The following TASOR2 variants were observed in gnomAD, a reference collection of about 807,000 sequenced individuals.
TASOR2 encodes transcription activation suppressor family member 2.
A neutral mutation model predicts 199.5 loss-of-function variants in TASOR2; 84 were observed. The observed-to-expected ratio is 0.42, with a 90% CI of 0.35 to 0.50. The LOEUF (loss-of-function observed/expected upper bound fraction) is 0.50. TASOR2 is among the 20% of genes least tolerant of loss of function. TASOR2 has a pLI of 0.02. For missense variants in TASOR2, 2,796 were observed against 2,835.9 expected (o/e 0.99, Z 0.32); for synonymous variants, 1,103 against 1,046.6 (o/e 1.05, Z -1.04).
chr10:5,730,816 G>GA lies in TASOR2; in HGVS notation c.819dup (p.Val274SerfsTer23), dbSNP rs1341730877. On this transcript the variant is annotated frameshift_variant, in exon 11 of 21. Transcript: ENST00000328090. LOFTEE classifies it high-confidence loss of function. This position sits in a 1 kb window ranked among gnomAD's most constrained non-coding sequence, Gnocchi z 4.1. Reference sequence around the variant, plus strand: ...TTCAGACCCTAGTGCTTACATTTTGGAAGTGTCTACTGCTTTGGACTTGCT... The same window carrying GA: ...TTCAGACCCTAGTGCTTACATTTTGGAAAGTGTCTACTGCTTTGGACTTGCT... 5.6e-6 allele frequency: 9 copies of GA among 1,613,986 alleles called. No individual in the cohort carries two copies. Among genetic ancestry groups the GA allele is most frequent in the African/African-American group, 1.3e-5 (1 of 74,882 alleles).
intron 20 of TASOR2, 138 bp downstream of exon 21, chr10:5,762,784 G>A: frequency 1.5e-6 from 1 of 661,164 alleles, no homozygotes; most frequent in Admixed American, 3.2e-5. Flanking sequence ...GTTTGTTTAG[G>A]GGTGGAATTG....
intron 11 of TASOR2, 117 bp from the exon 13 acceptor site, chr10:5,735,187 C>T: frequency 8.5e-7 from 1 of 1,176,688 alleles, no homozygotes; most frequent in South Asian, 1.6e-5. Context: ...ATAGTTTATT[C>T]CCCATTACTA....
At chr10:5,712,087 G>T in intron 1 of TASOR2, 1 of 185,416 alleles carries the variant, frequency 5.4e-6, no homozygotes, top group East Asian at 1.3e-4. Context: ...CCACCACCTT[G>T]ACACTACAGT....
chr10:5,718,277 A>G (rs2131563675), intron 3 of TASOR2, among the ~76,000 whole-genome samples: 1 of 151,054 alleles, frequency 6.6e-6, no homozygotes, highest in South Asian at 2.1e-4. Context: ...CTGATTTTAG[A>G]TGTGATTGGG....
chr10:5,732,277 A>G (rs943317417), intron 11 of TASOR2, among the ~76,000 whole-genome samples: 9 of 152,248 alleles, frequency 5.9e-5, no homozygotes, highest in African/African-American at 2.2e-4. Flanking sequence ...CCTTTGGAGA[A>G]GAAGGCAGCA....
chr10:5,747,584 C>T, exon 15 of TASOR2: 1 of 1,614,172 alleles, frequency 6.2e-7, no homozygotes, highest in Non-Finnish European at 8.5e-7. Context: ...AATGTGACCT[C>T]TGATTTTCCC....
intron 11 of TASOR2, among the ~76,000 whole-genome samples, chr10:5,734,438 G>A (rs898925702): frequency 1.6e-4 from 25 of 152,096 alleles, no homozygotes; most frequent in African/African-American, 6.0e-4. Flanking sequence ...AATAAAACCA[G>A]GTGCACACTT....
chr10:5,763,456 A>T (rs1260093656), exon 21 of TASOR2: 1 of 156,804 alleles, frequency 6.4e-6, no homozygotes, highest in Non-Finnish European at 1.4e-5. Context: ...TATAATCTTA[A>T]ATGGTTTTAT....
At chr10:5,724,555 TATA>T (rs1224805563) in intron 8 of TASOR2, 22 bp downstream of exon 9, 10 of 1,060,164 alleles carry the variant, frequency 9.4e-6, no homozygotes, top group South Asian at 5.8e-5. Flanking sequence ...TAATTTAAAA[TATA>T]ATTATTATGT....
At chr10:5,749,826 A>T (rs1366866814) in exon 15 of TASOR2, 1 of 1,614,212 alleles carries the variant, frequency 6.2e-7, no homozygotes, top group South Asian at 1.1e-5. Flanking sequence ...ACAAAGAGCT[A>T]AATGATGTTT....
exon 11 of TASOR2, chr10:5,731,065 C>T: frequency 6.2e-7 from 1 of 1,614,044 alleles, no homozygotes; most frequent in South Asian, 1.1e-5. Context: ...GGCCAGCATG[C>T]CCCACATGGT....
intron 11 of TASOR2, 71 bp downstream of exon 12, chr10:5,731,274 A>G: frequency 6.9e-7 from 1 of 1,446,058 alleles, no homozygotes. Flanking sequence ...TCATGCCTGT[A>G]ATCCCAGCAC....
At chr10:5,688,961 C>CCACTG (rs1403409678) in intron 1 of TASOR2, among the ~76,000 whole-genome samples, 2 of 152,134 alleles carry the variant, frequency 1.3e-5, no homozygotes, top group African/African-American at 2.4e-5. Flanking sequence ...CATCATCATG[C>CCACTG]CACTGCACAC....
chr10:5,702,648 TTTTTTTTTTTTTTG>T (rs1381361302), intron 1 of TASOR2, among the ~76,000 whole-genome samples: 3 of 141,164 alleles, frequency 2.1e-5, no homozygotes, highest in African/African-American at 8.4e-5. Context: ...TTTTTTTTTT[TTTTTTTTTTTTTTG>T]GTAAGTAAGG....
exon 15 of TASOR2, chr10:5,749,049 C>T: frequency 6.2e-7 from 1 of 1,614,156 alleles, no homozygotes; most frequent in East Asian, 2.2e-5. Context: ...ACAACAACAA[C>T]CAAGAGGACT....
chr10:5,711,696 G>A (rs1831931171), intron 1 of TASOR2, among the ~76,000 whole-genome samples: 1 of 152,132 alleles, frequency 6.6e-6, no homozygotes, highest in African/African-American at 2.4e-5. Flanking sequence ...GCCTCTCATG[G>A]GAAGGGTGTA....
chr10:5,763,250 G>A (rs533940953), exon 21 of TASOR2: 1 of 436,026 alleles, frequency 2.3e-6, no homozygotes, highest in Non-Finnish European at 4.0e-6. Context: ...GCTAGATATT[G>A]TTTTAAATTA....
rs549063599 is a variant in TASOR2 at position 5,746,568 on chromosome 10, G to A, written c.3147G>A (p.Pro1049=). 38 of 1,614,054 alleles carry A rather than the reference G, an allele frequency of 2.4e-5. No homozygotes were observed. In the African/African-American group the frequency reaches 2.9e-4, roughly 12 times the overall value. ...ATATGGGGTGTGCAGTGATTAACCC[G>A]GAACCAATTACTCTCACCTTTGAAA... The change falls in exon 15 of 21, where the codon CCG becomes CCA. Residue 1049 remains proline, a synonymous_variant. Coordinates refer to ENST00000328090, the Ensembl canonical transcript of TASOR2.
In TASOR2 at chr10:5,740,233, C is replaced by T. The variant is rs749455549; in HGVS notation, c.2063C>T (p.Ala688Val). The stretch of plus-strand genomic sequence containing the variant: ...AGGAATGGGACAAAAAGCCCTGAAG[C>T]AGCAACCCCAGTGGGGAAAGTCATG... Residue 688 changes from alanine (A) to valine (V), a missense_variant, in exon 13 of 21, where the codon GCA becomes GTA. By Grantham distance (64) the Ala-to-Val change is moderately conservative (BLOSUM62 0). Around this residue, in one of 3 missense-constraint regions of TASOR2, gnomAD observed 847 missense variants for 887.4 expected, o/e 0.95. Transcript: ENST00000328090. The surrounding 1 kb of genome is among the most constrained non-coding windows in gnomAD (Gnocchi z 5.3). The T allele has an allele frequency of 6.2e-7, 1 of 1,614,216 alleles. No homozygotes were observed. Among genetic ancestry groups the T allele is most frequent in the East Asian group, 2.2e-5 (1 of 44,886 alleles).
Sources: gnomAD v4.1 joint callset for allele counts (sites outside exome capture counted in the v4.1 genomes callset) on GRCh38, gnomAD v4.1.1 for gene constraint, gnomAD v4.1.1 regional missense constraint, Gnocchi (gnomAD v3.1) non-coding constraint, MANE v1.5 for transcripts, NCBI Gene and HGNC (gene_info 2026-07-23, HGNC 2026-07-21) for gene names.